Variants in ZNF71 observed in about 807,000 individuals in gnomAD.
ZNF71 encodes endothelial zinc finger protein induced by tumor necrosis factor alpha.
A neutral mutation model predicts 6.7 loss-of-function variants in ZNF71; 3 were observed. That is an observed-to-expected ratio of 0.45 (90% CI 0.20 to 1.16). The LOEUF is 1.16. ZNF71 is among the 50% of genes most tolerant of loss of function. The pLI, the probability that ZNF71 is intolerant of heterozygous loss-of-function variation, is 0.25. For missense variants in ZNF71, 688 were observed against 728.6 expected, an observed-to-expected ratio of 0.94 and a Z score of 0.64; for synonymous variants, 343 against 311.1, an observed-to-expected ratio of 1.10 and a Z score of -1.08.
chr19:56,596,605 C>T (rs1027065922), intron 1 of ZNF71, among the ~76,000 whole-genome samples: 5 of 152,132 alleles, frequency 3.3e-5, no homozygotes, highest in Non-Finnish European at 4.4e-5. Context: ...CTGTTCTGAC[C>T]AAGGAGAGGT....
chr19:56,615,558 GTTTTTT>G (rs60056272), intron 3 of ZNF71, among the ~76,000 whole-genome samples: 4 of 141,018 alleles, frequency 2.8e-5, no homozygotes, highest in Admixed American at 7.1e-5. Flanking sequence ...GTCTTTTCCT[GTTTTTT>G]TTTTTTTTTC....
At chr19:56,605,677 T>G (rs979996883) in intron 2 of ZNF71, among the ~76,000 whole-genome samples, 2 of 152,218 alleles carry the variant, frequency 1.3e-5, no homozygotes, top group Non-Finnish European at 2.9e-5. Context: ...AGCAATAATG[T>G]GAGACGTGCA....
At chr19:56,605,999 A>G (rs973898002) in intron 2 of ZNF71, among the ~76,000 whole-genome samples, 6 of 152,194 alleles carry the variant, frequency 3.9e-5, no homozygotes, top group African/African-American at 1.4e-4. Flanking sequence ...CTTGTGCCTC[A>G]GTCTCCCCCT....
Position 56,622,439 on chromosome 19 carries a change from C to G in ZNF71, c.1332C>G (p.Cys444Trp). ...ACACCGGCGAGAAGCCCTACGAGTG[C>G]TACATCTGCAAGAAGCACTTCACGG... ...RIHTGEKPYE[C>W]YICKKHFTGR... Residue 444 changes from cysteine (C) to tryptophan (W), a missense_variant, in exon 4 of 4, where the codon TGC (cysteine) becomes TGG (tryptophan). Transcript: ENST00000599599. 3 of 1,613,922 alleles carry G rather than the reference C, an allele frequency of 1.9e-6. No individual in the cohort carries two copies. The highest frequency in any genetic ancestry group is 2.5e-6 in the Non-Finnish European group (3 of 1,179,964).
At position 56,623,107 on chromosome 19, in the gene ZNF71, G is replaced by A. The variant is rs2044878549; in HGVS notation, c.*350G>A. The A allele has an allele frequency of 3.7e-6, 1 of 272,230 alleles. No homozygotes were observed. Among genetic ancestry groups the A allele is most frequent in the Non-Finnish European group, 7.5e-6 (1 of 134,048 alleles). 16.9% of individuals were successfully genotyped at this position (272,230 alleles called of 1,614,324 possible). ...GCCTCCACATCTCTGTTTCTTCAGC[G>A]GGAAAGTGGAGCTGGTGGAGGGGAG... On this transcript the variant is annotated 3_prime_UTR_variant, in exon 4 of 4. Transcript: ENST00000599599.
At chr19:56,601,644 G>A in intron 2 of ZNF71, 53 bp downstream of exon 2, 1 of 982,710 alleles carries the variant, frequency 1.0e-6, no homozygotes, top group Non-Finnish European at 1.2e-6. Context: ...TCCTGCCTTG[G>A]GTGAGCCTCT....
intron 1 of ZNF71, among the ~76,000 whole-genome samples, chr19:56,596,036 CTG>C (rs2044620132): frequency 6.6e-6 from 1 of 151,904 alleles, no homozygotes; most frequent in Non-Finnish European, 1.5e-5. Context: ...CTCTGTGGAG[CTG>C]TGTCTCTCCA....
chr19:56,604,022 T>C (rs1363849117), intron 2 of ZNF71, among the ~76,000 whole-genome samples: 2 of 152,200 alleles, frequency 1.3e-5, no homozygotes, highest in Non-Finnish European at 2.9e-5. Context: ...GGCTGTGTTC[T>C]GTGTCTCAGC....
At chr19:56,615,585 T>C (rs1304639983) in intron 3 of ZNF71, among the ~76,000 whole-genome samples, 13 of 151,812 alleles carry the variant, frequency 8.6e-5, no homozygotes, top group Admixed American at 6.6e-4. Context: ...TGTTGGGTTA[T>C]TATTGAATTT....
At chr19:56,595,853 T>TTGTATG (rs2044617378) in intron 1 of ZNF71, among the ~76,000 whole-genome samples, 1 of 137,502 alleles carries the variant, frequency 7.3e-6, no homozygotes, top group Non-Finnish European at 1.6e-5. Context: ...GTGTGTGTGT[T>TTGTATG]TGTGTGTGTG....
chr19:56,595,953 C>A (rs892081883), intron 1 of ZNF71, among the ~76,000 whole-genome samples: 1 of 145,706 alleles, frequency 6.9e-6, no homozygotes, highest in Non-Finnish European at 1.5e-5. Context: ...GTGAATGTGT[C>A]CATGTATGTC....
intron 3 of ZNF71, among the ~76,000 whole-genome samples, chr19:56,616,615 T>G (rs1163625924): frequency 6.6e-6 from 1 of 152,238 alleles, no homozygotes. Context: ...TTTCCTGTGT[T>G]GGGTAGTTTC....
chr19:56,615,498 C>T (rs1014578904), intron 3 of ZNF71, among the ~76,000 whole-genome samples: 2 of 150,798 alleles, frequency 1.3e-5, no homozygotes, highest in Non-Finnish European at 2.9e-5. Context: ...TAATCTTTTC[C>T]TGCGCTTATT....
At chr19:56,611,223 C>A (rs2044749669) in intron 2 of ZNF71, among the ~76,000 whole-genome samples, 1 of 152,108 alleles carries the variant, frequency 6.6e-6, no homozygotes, top group South Asian at 2.1e-4. Flanking sequence ...AGGGGCAGAG[C>A]AGTTGTGGGG....
chr19:56,612,852 C>G (rs564292650), intron 2 of ZNF71, among the ~76,000 whole-genome samples: 3 of 152,286 alleles, frequency 2.0e-5, no homozygotes, highest in East Asian at 3.9e-4. Flanking sequence ...CCCCTACCCC[C>G]ACTCCAGGAT....
At chr19:56,619,355 G>A (rs768625205) in intron 3 of ZNF71, among the ~76,000 whole-genome samples, 2 of 152,080 alleles carry the variant, frequency 1.3e-5, no homozygotes, top group Non-Finnish European at 2.9e-5. Flanking sequence ...CTGTTCTACC[G>A]TCTGTCTCTG....
intron 1 of ZNF71, among the ~76,000 whole-genome samples, chr19:56,599,592 G>A (rs12973116): frequency 0.61 from 92,460 of 151,950 alleles, 28,955 homozygotes; most frequent in East Asian, 0.99. Context: ...ATTTTGATAC[G>A]GGCATACAAT....
chr19:56,611,130 TG>T (rs1286661079), intron 2 of ZNF71, among the ~76,000 whole-genome samples: 1 of 152,186 alleles, frequency 6.6e-6, no homozygotes, highest in Non-Finnish European at 1.5e-5. Context: ...AAGAGCATTT[TG>T]GGCAGAAGAA....
intron 2 of ZNF71, among the ~76,000 whole-genome samples, chr19:56,612,015 C>A (rs774917675): frequency 6.6e-6 from 1 of 152,186 alleles, no homozygotes; most frequent in Non-Finnish European, 1.5e-5. Flanking sequence ...TTACCCCAGC[C>A]AGGATGGCCA....
Sources: gnomAD v4.1 joint callset for allele counts (sites outside exome capture counted in the v4.1 genomes callset) on GRCh38, gnomAD v4.1.1 for gene constraint, MANE v1.5 for transcripts, NCBI Gene and HGNC (gene_info 2026-07-23, HGNC 2026-07-21) for gene names.